RARB: variants seen among roughly 807,000 people sequenced by gnomAD.
The protein encoded by RARB is retinoic acid receptor beta.
In RARB, 17 loss-of-function variants were observed where a neutral mutation model predicts 51.9. The observed-to-expected ratio is 0.33, with a 90% CI of 0.22 to 0.49. RARB has a LOEUF of 0.49. RARB is among the 20% of genes least tolerant of loss of function. The probability of loss-of-function intolerance (pLI) is 0.99; values close to 1 mark genes in which losing one functional copy is unlikely to be tolerated. For missense variants in RARB, 369 were observed against 550.8 expected (o/e 0.67, Z 3.30); for synonymous variants, 215 against 195.4 (o/e 1.10, Z -0.84).
chr3:24,891,203 G>A (rs1015299648), intron 2 of RARB, among the ~76,000 whole-genome samples: 4 of 152,102 alleles, frequency 2.6e-5, no homozygotes, highest in South Asian at 2.1e-4. Context: ...TGCCTTTGAC[G>A]TTCCTTTCTA....
intron 5 of RARB, among the ~76,000 whole-genome samples, chr3:25,372,857 A>G (rs1706342665): frequency 1.3e-5 from 2 of 152,172 alleles, no homozygotes; most frequent in Admixed American, 6.6e-5. Flanking sequence ...CGTAAACTTA[A>G]AAAATTTTTT....
intron 2 of RARB, among the ~76,000 whole-genome samples, chr3:24,893,931 A>G (rs1703433653): frequency 6.6e-6 from 1 of 152,176 alleles, no homozygotes; most frequent in South Asian, 2.1e-4. Context: ...AGCTCAAAAC[A>G]ATTATACTTT....
chr3:24,989,115 C>T (rs1212298299), intron 2 of RARB, among the ~76,000 whole-genome samples: 2 of 152,206 alleles, frequency 1.3e-5, no homozygotes, highest in East Asian at 1.9e-4. Context: ...CGTGAGCCAC[C>T]GCACCCGGCC....
upstream of RARB, among the ~76,000 whole-genome samples, chr3:25,428,087 G>A (rs371768946): frequency 6.6e-5 from 10 of 152,292 alleles, no homozygotes; most frequent in South Asian, 1.0e-3. Context: ...TTGTGCGCTC[G>A]CTGCCTGCCT....
At chr3:25,149,968 G>T (rs1185023999) in intron 4 of RARB, among the ~76,000 whole-genome samples, 2 of 152,210 alleles carry the variant, frequency 1.3e-5, no homozygotes, top group African/African-American at 2.4e-5. Context: ...TTGAGAGGCC[G>T]AGGTAGGTGG....
intron 5 of RARB, among the ~76,000 whole-genome samples, chr3:25,279,668 G>A (rs1429407237): frequency 6.6e-6 from 1 of 151,966 alleles, no homozygotes; most frequent in Non-Finnish European, 1.5e-5. Context: ...AAGTTAGAGT[G>A]GTTTTGAGAA....
chr3:25,138,907 C>T (rs993991376), intron 4 of RARB, among the ~76,000 whole-genome samples: 13 of 152,118 alleles, frequency 8.5e-5, no homozygotes, highest in African/African-American at 3.1e-4. Flanking sequence ...CTGTTTCCAG[C>T]AGAATGTGCT....
At chr3:25,493,938 T>G (rs79785747) in intron 2 of RARB, among the ~76,000 whole-genome samples, 15,894 of 152,162 alleles carry the variant, frequency 0.1, 1,016 homozygotes, top group African/African-American at 0.18. Flanking sequence ...AGCAAATGTA[T>G]GATTAAATAT....
chr3:24,965,199 T>C (rs574447071), intron 2 of RARB, among the ~76,000 whole-genome samples: 1 of 152,288 alleles, frequency 6.6e-6, no homozygotes, highest in East Asian at 1.9e-4. Context: ...CCCACTTAAT[T>C]TCTTGTGTTG....
chr3:25,131,441 G>T (rs1398357095), intron 3 of RARB, among the ~76,000 whole-genome samples: 1 of 151,934 alleles, frequency 6.6e-6, no homozygotes, highest in Non-Finnish European at 1.5e-5. Flanking sequence ...CAGATGTAGG[G>T]TTTTATAGTC....
At chr3:25,330,646 C>G (rs1336208663) in intron 5 of RARB, among the ~76,000 whole-genome samples, 1 of 152,138 alleles carries the variant, frequency 6.6e-6, no homozygotes, top group Non-Finnish European at 1.5e-5. Context: ...ATGACAGGAT[C>G]AGATTCACAC....
intron 5 of RARB, among the ~76,000 whole-genome samples, chr3:25,230,437 G>C (rs1273917379): frequency 6.6e-6 from 1 of 151,940 alleles, no homozygotes; most frequent in Non-Finnish European, 1.5e-5. Flanking sequence ...ATGACATGAA[G>C]AAACAAGCAT....
chr3:25,418,730 A>G (rs1707776162), intron 5 of RARB, among the ~76,000 whole-genome samples: 2 of 152,182 alleles, frequency 1.3e-5, no homozygotes, highest in Non-Finnish European at 1.5e-5. Context: ...TCATAACCGA[A>G]GAGAAGGATG....
At chr3:25,391,018 C>T (rs1338811515) in intron 5 of RARB, among the ~76,000 whole-genome samples, 3 of 152,194 alleles carry the variant, frequency 2.0e-5, no homozygotes, top group Admixed American at 1.3e-4. Context: ...GCACACTGTT[C>T]GCAATGTGAA....
intron 4 of RARB, among the ~76,000 whole-genome samples, chr3:25,150,837 G>A (rs1559483986): frequency 6.6e-6 from 1 of 152,186 alleles, no homozygotes; most frequent in Admixed American, 6.5e-5. Flanking sequence ...CGCAGTGTTG[G>A]CTCTCTTTAG....
At chr3:25,074,680 A>G (rs1407205594) in intron 3 of RARB, among the ~76,000 whole-genome samples, 3 of 152,156 alleles carry the variant, frequency 2.0e-5, no homozygotes, top group Non-Finnish European at 4.4e-5. Flanking sequence ...TATATCAAAG[A>G]CTTACTACTT....
At chr3:25,549,803 A>G (rs574792477) in intron 3 of RARB, among the ~76,000 whole-genome samples, 16 of 152,074 alleles carry the variant, frequency 1.1e-4, no homozygotes, top group Non-Finnish European at 2.1e-4. Flanking sequence ...ATGAGACATT[A>G]CCATTCTTTC....
In RARB at chr3:25,501,200, A is replaced by G; in HGVS notation, c.325A>G (p.Ile109Val). The stretch of plus-strand genomic sequence containing the variant: ...CTTGCAGGGCTTTTTCCGCAGAAGT[A>G]TTCAGAAGAATATGATTTACACTTG... ...EGCKGFFRRS[I>V]QKNMIYTCHR... Residue 109 changes from isoleucine (I) to valine (V), a missense_variant, in exon 3 of 8, where the codon ATT becomes GTT. By Grantham distance (29) the Ile-to-Val change is conservative. This residue lies in a region of RARB where 26 missense variants were observed against 28.8 expected (regional missense o/e 0.90). Coordinates refer to ENST00000330688, the MANE Select transcript of RARB (RefSeq NM_000965.5). The G allele has an allele frequency of 6.3e-7, 1 of 1,595,446 alleles. No homozygotes were observed. The highest frequency in any genetic ancestry group is 8.5e-7 in the Non-Finnish European group (1 of 1,174,898).
chr3:25,073,517 G>T (rs938902043), intron 3 of RARB, among the ~76,000 whole-genome samples: 1 of 152,150 alleles, frequency 6.6e-6, no homozygotes, highest in Non-Finnish European at 1.5e-5. Flanking sequence ...TTTCTTTATT[G>T]CAGGGTTTCT....
Sources: gnomAD v4.1 joint callset for allele counts (sites outside exome capture counted in the v4.1 genomes callset) on GRCh38, gnomAD v4.1.1 for gene constraint, gnomAD v4.1.1 regional missense constraint, MANE v1.5 for transcripts, NCBI Gene and HGNC (gene_info 2026-07-23, HGNC 2026-07-21) for gene names.